The following SPG11 variants were observed in gnomAD, a reference collection of about 807,000 sequenced individuals.
SPG11 encodes spatacsin.
Under a neutral mutation model 274.0 loss-of-function variants are expected in SPG11, and 222 were observed. That is an observed-to-expected ratio of 0.81 (90% CI 0.73 to 0.91). The LOEUF (loss-of-function observed/expected upper bound fraction) is 0.91, where lower values mean the gene tolerates loss of function less well. Among genes scored for constraint, SPG11 ranks in the 40% least tolerant of loss-of-function variants. The pLI is 0.00. For synonymous variants in SPG11, 1,144 were observed against 1,039.7 expected (o/e 1.10, Z -1.93); for missense variants, 3,114 against 2,872.7 (o/e 1.08, Z -1.92).
rs1456258695 is a variant in SPG11 at position 44,574,905 on chromosome 15, G to C, written c.6003C>G (p.Ala2001=). 1.9e-6 allele frequency: 3 copies of C among 1,613,836 alleles called. No homozygotes were observed. The highest frequency in any genetic ancestry group is 1.3e-5 in the African/African-American group (1 of 75,012). Reference sequence around the variant, plus strand: ...AGCCCCACCCCTTGGCACATACCTTGGCAAGATCATACAGACAGAGGACCT... The same window carrying C: ...AGCCCCACCCCTTGGCACATACCTTCGCAAGATCATACAGACAGAGGACCT... ...CRQVLCLYDL[A]KELGCSYTDV... The change falls in exon 31 of 40, where the codon GCC becomes GCG. Residue 2001 remains alanine (A), a synonymous_variant. Coordinates refer to ENST00000261866, the MANE Select transcript of SPG11 (RefSeq NM_025137.4).
At position 44,598,309 on chromosome 15, in the gene SPG11, T is replaced by C; in HGVS notation, c.3957A>G (p.Leu1319=). Residue 1319 remains leucine, a synonymous_variant, in exon 23 of 40, where the codon TTA becomes TTG. Transcript: ENST00000261866. ...GAATGCTGTTCCATGTACCTTCTTC[T>C]AAGAGAACAAGCAATTCTTCTGTGG... The part of the protein sequence containing the change: ...KTTTEELLVL[L]EEGTWNSIQQ... 1.2e-6 allele frequency: 2 copies of C among 1,614,126 alleles called. No individual in the cohort carries two copies. Among genetic ancestry groups the C allele is most frequent in the Non-Finnish European group, 1.7e-6 (2 of 1,179,984 alleles).
Position 44,563,231 on chromosome 15 carries a change from C to A in SPG11, c.7222G>T (p.Val2408Phe), listed in dbSNP as rs767553029. The A allele has an allele frequency of 6.2e-7, 1 of 1,613,978 alleles. No homozygotes were observed. Among genetic ancestry groups the A allele is most frequent in the South Asian group, 1.1e-5 (1 of 91,092 alleles). ...LKKLLTYCED[V>F]YLYYKLAYEH... ...TATGCCAACTTGTAATACAGGTAAA[C>A]ATCTTCACAATATGTGAGTAATTTC... The change falls in exon 40 of 40, where the codon GTT becomes TTT. Residue 2408 changes from valine (V) to phenylalanine (F), a missense_variant. Transcript: ENST00000261866.
chr15:44,583,966 T>C lies in SPG11; in HGVS notation c.5714A>G (p.Asn1905Ser), dbSNP rs1448442996. Residue 1905 changes from asparagine (N) to serine (S), a missense_variant, in exon 30 of 40, where the codon AAT becomes AGT. Transcript: ENST00000261866. The part of the protein sequence containing the change: ...SRVCRYFHFY[N>S]PDVALVLHCR... ...GTGCAATACCAAGGCGACATCTGGATTATAAAAATGAAAATACCGGCATAC... is the reference window on the plus strand; with the variant it reads ...GTGCAATACCAAGGCGACATCTGGACTATAAAAATGAAAATACCGGCATAC... 6.2e-7 allele frequency: 1 copy of C among 1,614,192 alleles called. No individual in the cohort carries two copies. The highest frequency in any genetic ancestry group is 2.2e-5 in the East Asian group (1 of 44,894).
rs1226110412 is a variant in SPG11, at chr15:44,651,515, G to T, written c.1432C>A (p.Gln478Lys). The T allele has an allele frequency of 6.2e-7, 1 of 1,614,008 alleles. No homozygotes were observed. Among genetic ancestry groups the T allele is most frequent in the Non-Finnish European group, 8.5e-7 (1 of 1,180,012 alleles). Residue 478 changes from glutamine to lysine, a missense_variant, in exon 6 of 40, where the codon CAG (glutamine) becomes AAG (lysine). Coordinates refer to ENST00000261866, the MANE Select transcript of SPG11 (RefSeq NM_025137.4). The stretch of plus-strand genomic sequence containing the variant: ...CCTGTCAAAACAAAGCACAGCTGCT[G>T]GTCTCCACTACTGTCTACAGGAATA... ...KCIPVDSSGD[Q>K]QLCFVLTENG... is the part of the protein sequence containing the mutation.
intron 10 of SPG11, 82 bp downstream of exon 10, chr15:44,628,587 G>A: frequency 7.8e-7 from 1 of 1,281,730 alleles, no homozygotes; most frequent in Non-Finnish European, 1.1e-6. Flanking sequence ...AGTATATAGA[G>A]TCTGAATTCT....
At chr15:44,644,907 C>A (rs1226994919) in intron 7 of SPG11, among the ~76,000 whole-genome samples, 2 of 152,070 alleles carry the variant, frequency 1.3e-5, no homozygotes, top group African/African-American at 2.4e-5. Flanking sequence ...CAGAACAATG[C>A]TGAAAGAAAT....
chr15:44,635,595 CAAAAAAAAAAAAA>C (rs56776994), intron 7 of SPG11, among the ~76,000 whole-genome samples: 3 of 54,088 alleles, frequency 5.5e-5, no homozygotes, highest in Non-Finnish European at 3.7e-5. Flanking sequence ...AACCCTGTCT[CAAAAAAAAAAAAA>C]AAAAAAAAAA....
intron 7 of SPG11, among the ~76,000 whole-genome samples, chr15:44,634,222 A>C (rs1362162062): frequency 9.2e-5 from 14 of 152,194 alleles, no homozygotes; most frequent in Admixed American, 9.2e-4. Context: ...ACAACAATTC[A>C]AAGCTAAATA....
chr15:44,620,651 C>T, intron 14 of SPG11: 1 of 432,076 alleles, frequency 2.3e-6, no homozygotes, highest in South Asian at 2.6e-5. Flanking sequence ...ACTCCTACTT[C>T]AGCTGCCCAA....
chr15:44,626,851 C>T (rs2083915332), intron 10 of SPG11, among the ~76,000 whole-genome samples: 1 of 151,350 alleles, frequency 6.6e-6, no homozygotes, highest in South Asian at 2.1e-4. Context: ...GTAGAAGTAA[C>T]TAGTAACTGA....
In SPG11 at chr15:44,663,563, G is replaced by T; in HGVS notation, c.85C>A (p.Leu29Met). The change falls in exon 1 of 40, where the codon CTG (leucine) becomes ATG (methionine). Residue 29 changes from leucine (L) to methionine (M), a missense_variant. By Grantham distance (15) the Leu-to-Met change is conservative. Transcript: ENST00000261866. Reference protein sequence around the residue: ...TAAMGRVLPMLLVPVPAEAMG... With the variant: ...TAAMGRVLPMMLVPVPAEAMG... ...GCCTCGGCGGGGACTGGCACCAACAGCATCGGTAGAACCCGCCCCATGGCC... is the reference window on the plus strand; with the variant it reads ...GCCTCGGCGGGGACTGGCACCAACATCATCGGTAGAACCCGCCCCATGGCC... 1.3e-6 allele frequency: 2 copies of T among 1,597,276 alleles called. No individual in the cohort carries two copies. Among genetic ancestry groups the T allele is most frequent in the Non-Finnish European group, 8.5e-7 (1 of 1,173,660 alleles).
chr15:44,622,023 T>C, intron 13 of SPG11, 89 bp from the exon 14 acceptor site: 2 of 1,207,554 alleles, frequency 1.7e-6, no homozygotes, highest in Non-Finnish European at 2.3e-6. Context: ...TCCACTCTTT[T>C]GGGGAACACA....
At chr15:44,611,661 G>A (rs571992205) in intron 17 of SPG11, among the ~76,000 whole-genome samples, 2 of 151,986 alleles carry the variant, frequency 1.3e-5, no homozygotes, top group South Asian at 4.2e-4. Flanking sequence ...AATAAGGACA[G>A]TTTTATATTG....
chr15:44,565,257 C>T (rs975963058), intron 38 of SPG11, among the ~76,000 whole-genome samples: 2 of 152,196 alleles, frequency 1.3e-5, no homozygotes, highest in Admixed American at 1.3e-4. Flanking sequence ...AAGAGTATTA[C>T]TCTGAACCTC....
chr15:44,601,874 G>A (rs1201689905), intron 20 of SPG11, among the ~76,000 whole-genome samples: 4 of 151,984 alleles, frequency 2.6e-5, no homozygotes, highest in African/African-American at 4.8e-5. Flanking sequence ...CAGCCACCGC[G>A]CCCAGCCCAC....
At chr15:44,662,551 G>A (rs1203660520) in intron 1 of SPG11, among the ~76,000 whole-genome samples, 3 of 150,860 alleles carry the variant, frequency 2.0e-5, no homozygotes, top group Non-Finnish European at 4.4e-5. Flanking sequence ...GCCTGTAGTC[G>A]TAGCTGCTGG....
At chr15:44,628,525 A>T in intron 10 of SPG11, 144 bp downstream of exon 10, 1 of 776,570 alleles carries the variant, frequency 1.3e-6, no homozygotes, top group Non-Finnish European at 2.2e-6. Context: ...TCATAATCAG[A>T]AATCCCCAAA....
chr15:44,657,414 A>C (rs946121432), intron 3 of SPG11, 118 bp from the exon 4 acceptor site: 6 of 931,252 alleles, frequency 6.4e-6, no homozygotes, highest in South Asian at 6.0e-5. Context: ...TAACAGAAGA[A>C]GACTGAAAAC....
intron 7 of SPG11, among the ~76,000 whole-genome samples, chr15:44,646,600 G>C (rs2084617795): frequency 6.6e-6 from 1 of 152,102 alleles, no homozygotes; most frequent in Non-Finnish European, 1.5e-5. Context: ...ATATCAACTG[G>C]ATAAAGAATT....
Sources: allele counts gnomAD v4.1 joint callset (sites outside exome capture counted in the v4.1 genomes callset), GRCh38; gene constraint gnomAD v4.1.1; transcripts MANE v1.5; gene names NCBI Gene and HGNC (gene_info 2026-07-23, HGNC 2026-07-21).